Variants in CFAP46 observed in about 807,000 individuals in gnomAD.
The protein encoded by CFAP46 is cilia and flagella associated protein 46.
CFAP46 carries 245 observed loss-of-function variants against 325.7 expected under a neutral mutation model. The ratio of observed to expected loss-of-function variants is 0.75; its 90% confidence interval spans 0.68 to 0.84. The LOEUF (loss-of-function observed/expected upper bound fraction) is 0.84. Ranked by LOEUF, CFAP46 falls within the 40% of genes least tolerant of loss-of-function variation. CFAP46 has a pLI of 0.00. For synonymous variants in CFAP46, 1,523 were observed against 1,495.9 expected, an observed-to-expected ratio of 1.02 and a Z score of -0.42; for missense variants, 3,346 against 3,543.0, an observed-to-expected ratio of 0.94 and a Z score of 1.41.
rs529820553 is a variant in CFAP46 at position 132,937,230 on chromosome 10, T to C, written c.661-175A>G. The stretch of plus-strand genomic sequence containing the variant: ...CTGATGAATGAATGCTTTTGGTACA[T>C]ATTCTTGTAGTAATTACTTGTATCT... On this transcript the variant is annotated intron_variant, in intron 6 of 57. Coordinates refer to ENST00000368586, the MANE Select transcript of CFAP46 (RefSeq NM_001200049.3). The C allele has an allele frequency of 6.0e-4, 319 of 529,528 alleles. 5 individuals carry two copies. Among genetic ancestry groups the C allele is most frequent in the Middle Eastern group, 5.9e-3 (12 of 2,042 alleles). The allele number at this position is 529,528 out of a possible 1,614,324, so 32.8% of individuals were successfully genotyped here.
Position 132,901,572 on chromosome 10 carries a change from C to T in CFAP46, c.2925-1906G>A, listed in dbSNP as rs142639297. The stretch of plus-strand genomic sequence containing the variant: ...CGGAATCGCTGCCTCTCAGCCCGCC[C>T]TGTGTGTTTCCACTGCCCTGCATCT... On this transcript the variant is annotated intron_variant, in intron 22 of 57. Transcript: ENST00000368586. Among the ~76,000 whole-genome samples, 598 of 152,330 alleles carry T rather than the reference C, an allele frequency of 3.9e-3. 5 individuals carry two copies. The highest frequency in any genetic ancestry group is 0.014 in the African/African-American group (577 of 41,576).
chr10:132,909,864 ATC>A (rs1236367010), intron 20 of CFAP46, 53 bp downstream of exon 20: 2 of 1,356,282 alleles, frequency 1.5e-6, no homozygotes, highest in East Asian at 6.0e-5. Flanking sequence ...GCTGTCTCAG[ATC>A]TCTATGTCCA....
intron 50 of CFAP46, among the ~76,000 whole-genome samples, chr10:132,829,087 A>G (rs1445506858): frequency 1.5e-5 from 2 of 130,270 alleles, no homozygotes; most frequent in Admixed American, 1.5e-4. Context: ...CTTCTACAAA[A>G]AAAAAAAAAA....
At position 132,814,166 on chromosome 10, in the gene CFAP46, G is replaced by C; in HGVS notation, c.7374C>G (p.Ser2458Arg). Residue 2458 changes from serine (S) to arginine (R), a missense_variant, in exon 54 of 58, where the codon AGC (serine) becomes AGG (arginine). Transcript: ENST00000368586. ...FTSRWAGHLG[S>R]KHFPSQAQWE... ...CAGATCCGAACCTGGGAAAGTGCTT[G>C]CTTCCCAGATGTCCCGCCCATCGCG... The C allele has an allele frequency of 1.2e-6, 2 of 1,613,646 alleles. No homozygotes were observed. The highest frequency in any genetic ancestry group is 2.2e-5 in the South Asian group (2 of 91,086).
chr10:132,882,433 G>T (rs1342027857), intron 27 of CFAP46, among the ~76,000 whole-genome samples: 1 of 151,894 alleles, frequency 6.6e-6, no homozygotes, highest in Non-Finnish European at 1.5e-5. Context: ...CAAGGTGTGG[G>T]TTTGTTGTGG....
intron 22 of CFAP46, among the ~76,000 whole-genome samples, chr10:132,904,155 T>A (rs1849425371): frequency 6.6e-6 from 1 of 152,260 alleles, no homozygotes; most frequent in South Asian, 2.1e-4. Context: ...GAAATATGTG[T>A]AAACTTTTTA....
chr10:132,836,740 G>A, intron 45 of CFAP46, 77 bp downstream of exon 45: 1 of 1,248,324 alleles, frequency 8.0e-7, no homozygotes, highest in Non-Finnish European at 1.2e-6. Context: ...GGTGTGGGCA[G>A]CCCACGGCTG....
At chr10:132,859,008 C>T (rs1255533111) in intron 38 of CFAP46, 63 bp downstream of exon 38, 1 of 1,491,214 alleles carries the variant, frequency 6.7e-7, no homozygotes, top group Non-Finnish European at 9.0e-7. Context: ...CAGGATGGCG[C>T]TGGGCGTGTT....
rs1591066958 is a variant in CFAP46, at chr10:132,877,041, T to C, written c.4213-80A>G. 8 of 1,446,836 alleles carry C rather than the reference T, an allele frequency of 5.5e-6. No homozygotes were observed. The highest frequency in any genetic ancestry group is 7.5e-6 in the Non-Finnish European group (8 of 1,072,498). The allele number at this position is 1,446,836 out of a possible 1,614,324, so 89.6% of individuals were successfully genotyped here. On this transcript the variant is annotated intron_variant, in intron 30 of 57. Transcript: ENST00000368586. This position sits in a 1 kb window ranked among gnomAD's most constrained non-coding sequence, Gnocchi z 5.7. Reference sequence around the variant, plus strand: ...CACCCCCGGCCCACCGGCATGGCTGTGCAGCATTCAGGCCACAGCCCTGGG... The same window carrying C: ...CACCCCCGGCCCACCGGCATGGCTGCGCAGCATTCAGGCCACAGCCCTGGG...
chr10:132,834,018 G>C (rs568805687), intron 49 of CFAP46, 23 bp downstream of exon 49: 3 of 1,610,802 alleles, frequency 1.9e-6, no homozygotes, highest in Non-Finnish European at 2.5e-6. Flanking sequence ...CCCAGGCTGA[G>C]TGGCCACGCC....
At chr10:132,821,924 G>A in intron 50 of CFAP46, among the ~76,000 whole-genome samples, 1 of 144,240 alleles carries the variant, frequency 6.9e-6, no homozygotes, top group East Asian at 2.1e-4. Context: ...TGTGCTGTGT[G>A]TGCGCTGATG....
chr10:132,941,563 G>T (rs770475393), intron 3 of CFAP46, 28 bp downstream of exon 3: 1 of 1,602,964 alleles, frequency 6.2e-7, no homozygotes, highest in Non-Finnish European at 8.5e-7. Flanking sequence ...TGAACTGTTG[G>T]GGATAAGGGG....
chr10:132,889,849 C>T lies in CFAP46; in HGVS notation c.3304+2484G>A, dbSNP rs1446292761. ...TGTTTCCACAGCACAGCATGGCCGT[C>T]CCGCCTGATTAAAGTATTGATGCGG... On this transcript the variant is annotated intron_variant, in intron 25 of 57. Transcript: ENST00000368586. This position sits in a 1 kb window ranked among gnomAD's most constrained non-coding sequence, Gnocchi z 6.0. Among the ~76,000 whole-genome samples, 3 of 152,208 alleles carry T rather than the reference C, an allele frequency of 2.0e-5. No homozygotes were observed. The highest frequency in any genetic ancestry group is 4.4e-5 in the Non-Finnish European group (3 of 68,038).
At chr10:132,872,367 C>T (rs575912124) in intron 32 of CFAP46, among the ~76,000 whole-genome samples, 2 of 152,232 alleles carry the variant, frequency 1.3e-5, no homozygotes, top group East Asian at 1.9e-4. Context: ...GATCCTCTTG[C>T]CTCAGCCTCC....
At chr10:132,932,372 C>T (rs35641523) in intron 8 of CFAP46, among the ~76,000 whole-genome samples, 50,796 of 132,716 alleles carry the variant, frequency 0.38, 8,665 homozygotes, top group Admixed American at 0.49. Flanking sequence ...CTTTCCTCCT[C>T]CCCACGCAGA....
At chr10:132,813,411 C>A (rs1367072252) in intron 54 of CFAP46, among the ~76,000 whole-genome samples, 1 of 147,210 alleles carries the variant, frequency 6.8e-6, no homozygotes, top group Non-Finnish European at 1.5e-5. Flanking sequence ...CCTGCACACA[C>A]CTGCCCCTGC....
At position 132,919,108 on chromosome 10, in the gene CFAP46, C is replaced by T. The variant is rs991863189; in HGVS notation, c.1858+207G>A. 2.6e-5 allele frequency among the ~76,000 whole-genome samples: 4 copies of T among 152,228 alleles called. No homozygotes were observed. Among genetic ancestry groups the T allele is most frequent in the Admixed American group, 1.3e-4 (2 of 15,288 alleles). ...GAAGATGGAGTGTGACGACGGTGCTCGTGGCTCGGCCGACACAGCCAGATG... is the reference window on the plus strand; with the variant it reads ...GAAGATGGAGTGTGACGACGGTGCTTGTGGCTCGGCCGACACAGCCAGATG... On this transcript the variant is annotated intron_variant, in intron 15 of 57. Transcript: ENST00000368586. The surrounding 1 kb of genome is among the most constrained non-coding windows in gnomAD (Gnocchi z 9.7).
intron 3 of CFAP46, 73 bp from the exon 4 acceptor site, chr10:132,941,133 C>T (rs963232813): frequency 8.6e-6 from 13 of 1,505,082 alleles, no homozygotes; most frequent in African/African-American, 5.5e-5. Flanking sequence ...GCGGATGCCA[C>T]GGCTCCCTCA....
At chr10:132,818,391 T>C (rs1474183598) in intron 50 of CFAP46, among the ~76,000 whole-genome samples, 1 of 151,958 alleles carries the variant, frequency 6.6e-6, no homozygotes, top group Non-Finnish European at 1.5e-5. Context: ...ATTTTCATGA[T>C]CATGAGGTGA....
Sources: allele counts gnomAD v4.1 joint callset (sites outside exome capture counted in the v4.1 genomes callset), GRCh38; gene constraint gnomAD v4.1.1; non-coding constraint Gnocchi (gnomAD v3.1); transcripts MANE v1.5; gene names NCBI Gene and HGNC (gene_info 2026-07-23, HGNC 2026-07-21).